The following TASP1 variants were observed in gnomAD, a reference collection of about 807,000 sequenced individuals.
The protein encoded by TASP1 is threonine aspartase 1.
A neutral mutation model predicts 56.6 loss-of-function variants in TASP1; 16 were observed. The observed-to-expected ratio is 0.28, with a 90% CI of 0.19 to 0.43. The LOEUF (loss-of-function observed/expected upper bound fraction) is 0.43. Ranked by LOEUF, TASP1 falls within the 20% of genes least tolerant of loss-of-function variation. TASP1 has a pLI of 1.00. For synonymous variants in TASP1, 179 were observed against 184.2 expected (o/e 0.97, Z 0.23); for missense variants, 393 against 511.6 (o/e 0.77, Z 2.24).
At chr20:13,150,677 C>T in the TASP1 span, among the ~76,000 whole-genome samples, 33 of 152,268 alleles carry the variant, frequency 2.2e-4, no homozygotes, top group East Asian at 6.2e-3. Flanking sequence ...ATGTGGGATT[C>T]TTCAATTCCT....
chr20:13,197,135 T>C, the TASP1 span, among the ~76,000 whole-genome samples: 1 of 152,158 alleles, frequency 6.6e-6, no homozygotes, highest in Non-Finnish European at 1.5e-5. Flanking sequence ...GAGGCAGGGG[T>C]GCAACACACA....
At chr20:13,530,588 C>G (rs1361752944) in intron 9 of TASP1, among the ~76,000 whole-genome samples, 1 of 152,138 alleles carries the variant, frequency 6.6e-6, no homozygotes, top group Non-Finnish European at 1.5e-5. Flanking sequence ...TGACCAGTAG[C>G]CTGCACTCAA....
the TASP1 span, among the ~76,000 whole-genome samples, chr20:13,194,963 G>A: frequency 1.3e-5 from 2 of 151,996 alleles, no homozygotes; most frequent in African/African-American, 4.8e-5. Context: ...GGGTGCGCCT[G>A]GGGTGCCTTG....
chr20:13,386,452 C>CTACCTTTG (rs2041163410), downstream of TASP1, among the ~76,000 whole-genome samples: 1 of 145,134 alleles, frequency 6.9e-6, no homozygotes, highest in Admixed American at 6.6e-5. Flanking sequence ...AATTTTTTTC[C>CTACCTTTG]TAATAAGCAG....
At chr20:13,219,753 A>G in the TASP1 span, among the ~76,000 whole-genome samples, 1 of 152,236 alleles carries the variant, frequency 6.6e-6, no homozygotes, top group Non-Finnish European at 1.5e-5. Context: ...AAATAAGCCC[A>G]ACCAGCAGAC....
the TASP1 span, among the ~76,000 whole-genome samples, chr20:13,381,546 G>A: frequency 2.6e-5 from 4 of 152,334 alleles, no homozygotes; most frequent in East Asian, 7.7e-4. Context: ...GTTAAGGATA[G>A]TTTTAAGGTT....
In TASP1 at chr20:13,393,159, G is replaced by C. The variant is rs927190169; in HGVS notation, c.1171-2707C>G. 3 of 671,034 alleles carry C rather than the reference G, an allele frequency of 4.5e-6. No homozygotes were observed. In the African/African-American group the frequency reaches 5.3e-5, roughly 12 times the overall value. 41.6% of individuals were successfully genotyped at this position (671,034 alleles called of 1,614,324 possible). A position where few individuals can be genotyped will look rare whatever the true frequency, so the allele number is the denominator to read the frequency against. On this transcript the variant is annotated intron_variant, in intron 13 of 13. Transcript: ENST00000337743. ...CAACTGCTTAGCACCCCTGGCCAAA[G>C]CCATCTATGACAACTTTGGTATCAT...
the TASP1 span, among the ~76,000 whole-genome samples, chr20:13,346,662 A>G: frequency 6.6e-6 from 1 of 152,238 alleles, no homozygotes; most frequent in African/African-American, 2.4e-5. Context: ...GCAAAACTCA[A>G]CATTAGTGCT....
At chr20:13,513,989 T>C (rs1483300736) in intron 10 of TASP1, among the ~76,000 whole-genome samples, 6 of 152,150 alleles carry the variant, frequency 3.9e-5, no homozygotes, top group Admixed American at 3.3e-4. Flanking sequence ...AAATTTACTT[T>C]TGCATGAGAA....
chr20:13,491,169 C>T (rs1387986599), intron 10 of TASP1, among the ~76,000 whole-genome samples: 4 of 152,146 alleles, frequency 2.6e-5, no homozygotes, highest in African/African-American at 9.7e-5. Context: ...CCTAGGTAAA[C>T]CTATCATTAT....
intron 4 of TASP1, among the ~76,000 whole-genome samples, chr20:13,603,189 C>T (rs1158607046): frequency 6.6e-6 from 1 of 151,548 alleles, no homozygotes; most frequent in Non-Finnish European, 1.5e-5. Flanking sequence ...TGAGATCACA[C>T]CACTGCACTC....
At chr20:13,267,625 G>A in the TASP1 span, among the ~76,000 whole-genome samples, 4 of 152,186 alleles carry the variant, frequency 2.6e-5, no homozygotes, top group African/African-American at 9.7e-5. Context: ...CTCTGTGGTG[G>A]TGAATTTCCT....
chr20:13,287,269 C>G, the TASP1 span, among the ~76,000 whole-genome samples: 2 of 152,178 alleles, frequency 1.3e-5, no homozygotes, highest in African/African-American at 4.8e-5. Flanking sequence ...GGACATCTTA[C>G]ATGGTGTCAG....
At chr20:13,285,419 G>A in the TASP1 span, among the ~76,000 whole-genome samples, 65 of 152,244 alleles carry the variant, frequency 4.3e-4, no homozygotes, top group African/African-American at 1.5e-3. Context: ...GGCTTGGCTG[G>A]GGCTGGATGG....
At chr20:13,132,735 A>G in the TASP1 span, 4 of 151,642 alleles carry the variant, frequency 2.6e-5, no homozygotes, top group Admixed American at 1.3e-4. Context: ...TTCCCTTTCC[A>G]TCTTCTAAAG....
intron 10 of TASP1, among the ~76,000 whole-genome samples, chr20:13,503,033 G>C (rs998422774): frequency 3.3e-5 from 5 of 152,174 alleles, no homozygotes; most frequent in Non-Finnish European, 7.3e-5. Context: ...CAGCTGTGCA[G>C]GATGCTGTCC....
At chr20:13,295,360 AAACTG>A in the TASP1 span, among the ~76,000 whole-genome samples, 1 of 152,222 alleles carries the variant, frequency 6.6e-6, no homozygotes, top group Admixed American at 6.5e-5. Context: ...GAACCAGCCT[AAACTG>A]AACAAGATTG....
chr20:13,238,565 T>A, the TASP1 span, among the ~76,000 whole-genome samples: 3 of 152,182 alleles, frequency 2.0e-5, no homozygotes, highest in Non-Finnish European at 4.4e-5. Context: ...TTATTAGCAT[T>A]TCCAGATACT....
chr20:13,529,353 AAT>A (rs1303283900), intron 9 of TASP1, among the ~76,000 whole-genome samples: 8 of 152,294 alleles, frequency 5.3e-5, no homozygotes, highest in Non-Finnish European at 1.0e-4. Context: ...AATCACAACT[AAT>A]AACTCTTCCA....
Sources: gnomAD v4.1 joint callset for allele counts (sites outside exome capture counted in the v4.1 genomes callset) on GRCh38, gnomAD v4.1.1 for gene constraint, MANE v1.5 for transcripts, NCBI Gene and HGNC (gene_info 2026-07-23, HGNC 2026-07-21) for gene names.